The following CAST variants were observed in gnomAD, a reference collection of about 807,000 sequenced individuals.
CAST encodes the protein MIR583 host.
CAST carries 76 observed loss-of-function variants against 119.6 expected under a neutral mutation model. The ratio of observed to expected loss-of-function variants is 0.64; its 90% confidence interval spans 0.53 to 0.77. The LOEUF is 0.77. Ranked by LOEUF, CAST falls within the 30% of genes least tolerant of loss-of-function variation. The pLI, the probability that CAST is intolerant of heterozygous loss-of-function variation, is 0.00. For missense variants in CAST, 953 were observed against 946.5 expected, an observed-to-expected ratio of 1.01 and a Z score of -0.09; for synonymous variants, 319 against 331.6, an observed-to-expected ratio of 0.96 and a Z score of 0.41.
In CAST at chr5:96,745,381, TTTTCA is replaced by T. The variant is rs1763550399; in HGVS notation, c.1201-957_1201-953del. On this transcript the variant is annotated intron_variant, in intron 16 of 31. Coordinates refer to ENST00000675179, the MANE Select transcript of CAST (RefSeq NM_001750.7). ...TTTAGTTACATTTAATGTTTAAATG[TTTTCA>T]TTTGTTTTGTTTTTTATATTTCCTG... Among the ~76,000 whole-genome samples the T allele has an allele frequency of 3.3e-5, 5 of 152,314 alleles. No individual in the cohort carries two copies. The South Asian group carries it at 1.0e-3, about 32-fold the overall frequency.
At chr5:96,653,785 T>C (rs933725995) in intron 1 of CAST, among the ~76,000 whole-genome samples, 6 of 152,200 alleles carry the variant, frequency 3.9e-5, no homozygotes, top group Non-Finnish European at 7.3e-5. Flanking sequence ...AAAATAATTA[T>C]CTTTAAGTAT....
chr5:96,001,335 T>C, the CAST span, among the ~76,000 whole-genome samples: 1 of 152,194 alleles, frequency 6.6e-6, no homozygotes, highest in African/African-American at 2.4e-5. Flanking sequence ...GAAACCTACA[T>C]TTCTTCTGAC....
intron 1 of CAST, among the ~76,000 whole-genome samples, chr5:96,572,051 T>C (rs1746579354): frequency 6.6e-6 from 1 of 152,228 alleles, no homozygotes; most frequent in Non-Finnish European, 1.5e-5. Flanking sequence ...TTAAATCAAG[T>C]TCAACCCTGT....
chr5:96,240,151 T>C, the CAST span, among the ~76,000 whole-genome samples: 2 of 152,214 alleles, frequency 1.3e-5, no homozygotes, highest in East Asian at 1.9e-4. Context: ...TCCATATCAA[T>C]ATTTTTGTCT....
At chr5:96,511,190 G>C in the CAST span, among the ~76,000 whole-genome samples, 1 of 152,204 alleles carries the variant, frequency 6.6e-6, no homozygotes, top group African/African-American at 2.4e-5. Context: ...CTGTCACCAG[G>C]CTGGAGTGCA....
At chr5:96,525,561 A>G (rs1745584879), upstream of CAST, 1 of 152,166 alleles carries the variant, frequency 6.6e-6, no homozygotes, top group Non-Finnish European at 1.5e-5. Flanking sequence ...GGCTGTTTCG[A>G]ATCAGGCTTG....
At chr5:96,657,195 T>A (rs1271724433), upstream of CAST, among the ~76,000 whole-genome samples, 1 of 152,246 alleles carries the variant, frequency 6.6e-6, no homozygotes, top group Non-Finnish European at 1.5e-5. Flanking sequence ...CAGGATGGCT[T>A]TATTTTCTGC....
At chr5:96,022,749 A>G in the CAST span, among the ~76,000 whole-genome samples, 1 of 152,174 alleles carries the variant, frequency 6.6e-6, no homozygotes. Context: ...GTGGGGGCTG[A>G]TAAGTCCAGA....
chr5:96,399,938 C>T, the CAST span: 2 of 1,588,156 alleles, frequency 1.3e-6, no homozygotes, highest in Non-Finnish European at 1.7e-6. Flanking sequence ...GTTTAAAATT[C>T]CAGGAGATAC....
chr5:96,575,067 T>C (rs1746645089), intron 1 of CAST, among the ~76,000 whole-genome samples: 1 of 152,228 alleles, frequency 6.6e-6, no homozygotes, highest in South Asian at 2.1e-4. Context: ...TCTCCATTTA[T>C]TTAGTTTTTA....
At chr5:96,082,476 G>A in the CAST span, among the ~76,000 whole-genome samples, 1 of 152,142 alleles carries the variant, frequency 6.6e-6, no homozygotes, top group Non-Finnish European at 1.5e-5. Context: ...TAGGTCCTCT[G>A]ACACCAGACT....
At chr5:96,662,247 G>T (rs1467975639), upstream of CAST, 16 of 736,328 alleles carry the variant, frequency 2.2e-5, no homozygotes, top group East Asian at 5.8e-4. Context: ...GGCCCATCGG[G>T]GCTAGGGGAA....
chr5:96,286,707 A>G, the CAST span, among the ~76,000 whole-genome samples: 44 of 152,324 alleles, frequency 2.9e-4, no homozygotes, highest in South Asian at 8.9e-3. Flanking sequence ...GATTAACATA[A>G]CATTGAGATA....
intron 1 of CAST, among the ~76,000 whole-genome samples, chr5:96,593,860 C>A (rs1262924275): frequency 6.6e-6 from 1 of 152,212 alleles, no homozygotes; most frequent in Non-Finnish European, 1.5e-5. Flanking sequence ...GGACTTACAG[C>A]CTCCAGAAGT....
At chr5:96,392,621 C>T in the CAST span, 1 of 218,998 alleles carries the variant, frequency 4.6e-6, no homozygotes, top group Non-Finnish European at 9.1e-6. Context: ...GACTCCTTCT[C>T]ATTCTTTGCA....
chr5:96,248,821 T>C, the CAST span, among the ~76,000 whole-genome samples: 1 of 152,250 alleles, frequency 6.6e-6, no homozygotes, highest in African/African-American at 2.4e-5. Context: ...GTTTTGTTTA[T>C]GAAATATTGA....
At chr5:96,101,993 T>C in the CAST span, among the ~76,000 whole-genome samples, 1 of 152,158 alleles carries the variant, frequency 6.6e-6, no homozygotes, top group Non-Finnish European at 1.5e-5. Flanking sequence ...TTGGGGTGCC[T>C]ACAACCCTGG....
the CAST span, among the ~76,000 whole-genome samples, chr5:96,132,410 G>T: frequency 6.6e-6 from 1 of 151,964 alleles, no homozygotes; most frequent in Non-Finnish European, 1.5e-5. Context: ...TTTGTGTTGA[G>T]AATATTTCAA....
At chr5:96,129,021 T>C in the CAST span, among the ~76,000 whole-genome samples, 9 of 152,140 alleles carry the variant, frequency 5.9e-5, no homozygotes, top group Admixed American at 5.2e-4. Flanking sequence ...GTCAAGTATG[T>C]TGTTTTCTCT....
Sources: gnomAD v4.1 joint callset for allele counts (sites outside exome capture counted in the v4.1 genomes callset) on GRCh38, gnomAD v4.1.1 for gene constraint, MANE v1.5 for transcripts, NCBI Gene and HGNC (gene_info 2026-07-23, HGNC 2026-07-21) for gene names.